TJP1: variants seen among roughly 807,000 people sequenced by gnomAD.
TJP1 encodes the protein tight junction protein ZO-1.
In TJP1, 43 loss-of-function variants were observed where a neutral mutation model predicts 194.2. That is an observed-to-expected ratio of 0.22 (90% CI 0.17 to 0.29). The LOEUF (loss-of-function observed/expected upper bound fraction) is 0.29, where lower values mean the gene tolerates loss of function less well. TJP1 is among the 10% of genes least tolerant of loss of function. The pLI is 1.00. For missense variants in TJP1, 1,971 were observed against 2,185.7 expected (o/e 0.90, Z 1.96); for synonymous variants, 801 against 779.0 (o/e 1.03, Z -0.47).
upstream of TJP1, among the ~76,000 whole-genome samples, chr15:29,827,170 C>G (rs58248967): frequency 6.6e-6 from 1 of 152,192 alleles, no homozygotes; most frequent in East Asian, 1.9e-4. Context: ...TGAGGGTGAG[C>G]CTTTGGCCCA....
intron 2 of TJP1, among the ~76,000 whole-genome samples, chr15:29,887,278 T>G (rs903787158): frequency 6.8e-6 from 1 of 147,534 alleles, no homozygotes; most frequent in Middle Eastern, 3.3e-3. Flanking sequence ...TATATACATA[T>G]ATAATATAAA....
At chr15:29,873,930 A>T (rs2052611418) in intron 2 of TJP1, among the ~76,000 whole-genome samples, 1 of 152,248 alleles carries the variant, frequency 6.6e-6, no homozygotes, top group Non-Finnish European at 1.5e-5. Flanking sequence ...CACAAAGTAC[A>T]GCATGAGGCA....
At chr15:29,796,665 AG>A (rs1228201932) in intron 2 of TJP1, among the ~76,000 whole-genome samples, 3 of 152,244 alleles carry the variant, frequency 2.0e-5, no homozygotes, top group African/African-American at 7.2e-5. Flanking sequence ...GGAAGATAAA[AG>A]TTGACAAAAT....
Position 29,821,943 on chromosome 15 carries a change from C to T in TJP1, c.27+59G>A. 3.3e-6 allele frequency: 4 copies of T among 1,206,024 alleles called. No individual in the cohort carries two copies. The South Asian group carries it at 1.6e-4, about 49-fold the overall frequency. 74.7% of individuals were successfully genotyped at this position (1,206,024 alleles called of 1,614,324 possible). On this transcript the variant is annotated intron_variant, in intron 1 of 27. Coordinates refer to ENST00000614355, the MANE Select transcript of TJP1 (RefSeq NM_001330239.4). ...GGAGGGCGGGACGCGGGCCAGATGC[C>T]GGTGGGCGGGCGGCGACGGTCGGCC...
intron 1 of TJP1, among the ~76,000 whole-genome samples, chr15:29,967,273 C>T (rs1392732051): frequency 1.3e-5 from 2 of 151,740 alleles, no homozygotes; most frequent in African/African-American, 4.8e-5. Context: ...AGACCTCAGG[C>T]GATACGCCTG....
In TJP1 at chr15:29,822,363, G is replaced by A. The variant is rs553769013; in HGVS notation, c.-335C>T. The A allele has an allele frequency of 9.6e-7, 1 of 1,037,850 alleles. No homozygotes were observed. Among genetic ancestry groups the A allele is most frequent in the Admixed American group, 5.7e-5 (1 of 17,654 alleles). The allele number at this position is 1,037,850 out of a possible 1,614,324, so 64.3% of individuals were successfully genotyped here. On this transcript the variant is annotated 5_prime_UTR_variant, in exon 1 of 28. Transcript: ENST00000614355. ...CGTCAGCAGCACCCGTGGCCTCCCG[G>A]CGTCTCCTCGGAAGCCGGCTTCGCC... is the stretch of plus-strand genomic sequence containing the variant.
At chr15:29,853,372 C>T (rs1414560574) in intron 2 of TJP1, among the ~76,000 whole-genome samples, 1 of 152,162 alleles carries the variant, frequency 6.6e-6, no homozygotes, top group Non-Finnish European at 1.5e-5. Flanking sequence ...GCAGGTGATA[C>T]TGTACAGAAC....
chr15:29,739,099 T>A (rs930153640), intron 10 of TJP1, among the ~76,000 whole-genome samples: 2 of 152,062 alleles, frequency 1.3e-5, no homozygotes, highest in Admixed American at 1.3e-4. Flanking sequence ...GGAAATCCTC[T>A]TCTAACCCTG....
intron 8 of TJP1, among the ~76,000 whole-genome samples, chr15:29,755,035 A>G (rs2045558443): frequency 6.6e-6 from 1 of 152,214 alleles, no homozygotes; most frequent in African/African-American, 2.4e-5. Flanking sequence ...GGATATTTTA[A>G]TCAACAATGG....
intron 18 of TJP1, among the ~76,000 whole-genome samples, chr15:29,723,890 T>C (rs889761014): frequency 3.3e-5 from 5 of 152,164 alleles, no homozygotes; most frequent in Non-Finnish European, 7.4e-5. Flanking sequence ...CACTAGTACC[T>C]GGATGAAAAA....
In TJP1 at chr15:29,718,397, T is replaced by A. The variant is rs1161928165; in HGVS notation, c.3745A>T (p.Thr1249Ser). 2.5e-6 allele frequency: 4 copies of A among 1,613,824 alleles called. No homozygotes were observed. The African/African-American group carries it at 4.0e-5, about 16-fold the overall frequency. The change falls in exon 21 of 28, where the codon ACT becomes TCT. Residue 1249 changes from threonine to serine, a missense_variant. Coordinates refer to ENST00000614355, the MANE Select transcript of TJP1 (RefSeq NM_001330239.4). ...GGATCTTCCTCTTCTTCGGTTTGAG[T>A]TGGGGGTGGAGGCAGTGGTTTGGTG... is the stretch of plus-strand genomic sequence containing the variant. ...SNTKPLPPPP[T>S]QTEEEEDPAM...
chr15:29,760,178 T>C (rs2151515715), intron 8 of TJP1: 1 of 701,494 alleles, frequency 1.4e-6, no homozygotes, highest in African/African-American at 1.7e-5. Flanking sequence ...TAACCATGGG[T>C]CAGGTGGTGG....
intron 15 of TJP1, 125 bp from the exon 16 acceptor site, chr15:29,728,144 T>C (rs1472901454): frequency 2.0e-5 from 14 of 689,932 alleles, no homozygotes; most frequent in Middle Eastern, 2.4e-4. Flanking sequence ...AACTGTCTTA[T>C]GCATGCAGTA....
intron 2 of TJP1, among the ~76,000 whole-genome samples, chr15:29,921,970 G>A (rs183704988): frequency 5.9e-5 from 9 of 151,732 alleles, no homozygotes; most frequent in South Asian, 2.1e-4. Context: ...TGAGCCTCCC[G>A]AGTAGCTGGG....
chr15:29,728,388 G>A (rs1299493322), intron 15 of TJP1: 3 of 182,976 alleles, frequency 1.6e-5, no homozygotes, highest in African/African-American at 7.1e-5. Flanking sequence ...GAGATAAACT[G>A]AGGGGGCTGC....
At chr15:29,898,924 A>T (rs752668418) in intron 2 of TJP1, among the ~76,000 whole-genome samples, 3 of 152,234 alleles carry the variant, frequency 2.0e-5, no homozygotes, top group Non-Finnish European at 4.4e-5. Flanking sequence ...TAGATAACAG[A>T]GAAACTAAAA....
upstream of TJP1, chr15:29,823,880 G>GT (rs2050573668): frequency 6.6e-6 from 1 of 151,802 alleles, no homozygotes; most frequent in South Asian, 2.1e-4. Context: ...GAGGTCAGGA[G>GT]TTTGAGACCA....
chr15:29,858,213 C>T (rs1295476850), intron 2 of TJP1, among the ~76,000 whole-genome samples: 1 of 152,026 alleles, frequency 6.6e-6, no homozygotes, highest in African/African-American at 2.4e-5. Flanking sequence ...CCAACCTGGG[C>T]AACATGTCGA....
At chr15:29,833,626 C>T (rs1216044627) in intron 2 of TJP1, among the ~76,000 whole-genome samples, 3 of 151,602 alleles carry the variant, frequency 2.0e-5, no homozygotes, top group Non-Finnish European at 4.4e-5. Context: ...CTCCTGACCT[C>T]AAGTGACCTG....
Sources: gnomAD v4.1 joint callset for allele counts (sites outside exome capture counted in the v4.1 genomes callset) on GRCh38, gnomAD v4.1.1 for gene constraint, MANE v1.5 for transcripts, NCBI Gene and HGNC (gene_info 2026-07-23, HGNC 2026-07-21) for gene names.